The following DLC1 variants were observed in gnomAD, a reference collection of about 807,000 sequenced individuals.
DLC1 encodes the protein DLC1 Rho GTPase activating protein, also known as rho GTPase-activating protein 7.
Under a neutral mutation model 140.3 loss-of-function variants are expected in DLC1, and 54 were observed. The ratio of observed to expected loss-of-function variants is 0.38; its 90% CI spans 0.31 to 0.48. DLC1 has a LOEUF of 0.48. Among genes scored for constraint, DLC1 ranks in the 20% least tolerant of loss-of-function variants. The probability of loss-of-function intolerance (pLI) is 0.96; values close to 1 mark genes in which losing one functional copy is unlikely to be tolerated. For missense variants in DLC1, 2,536 were observed against 1,907.0 expected, an observed-to-expected ratio of 1.33 and a Z score of -6.14; for synonymous variants, 986 against 728.1, an observed-to-expected ratio of 1.35 and a Z score of -5.70.
At chr8:13,416,886 C>CT (rs556002483) in intron 2 of DLC1, among the ~76,000 whole-genome samples, 40 of 149,750 alleles carry the variant, frequency 2.7e-4, no homozygotes, top group African/African-American at 2.9e-4. Context: ...TGAGAAAAAA[C>CT]TTTTTTTTTT....
chr8:13,137,572 T>G (rs888791488), intron 5 of DLC1, among the ~76,000 whole-genome samples: 1 of 151,434 alleles, frequency 6.6e-6, no homozygotes, highest in African/African-American at 2.4e-5. Context: ...CTTTTGCTCT[T>G]TCTTCAGCTT....
rs1804978439 is a variant in DLC1, at chr8:13,579,356, T to TTTA, written c.-126+25180_-126+25181insTAA. 9.9e-5 allele frequency among the ~76,000 whole-genome samples: 3 copies of TTTA among 30,396 alleles called. 1 individual carries two copies. The highest frequency in any genetic ancestry group is 1.6e-4 in the African/African-American group (1 of 6,286). 19.9% of individuals were successfully genotyped at this position (30,396 alleles called of 152,430 possible). A position where few individuals can be genotyped will look rare whatever the true frequency, so the allele number is the denominator to read the frequency against. On this transcript the variant is annotated intron_variant, in intron 1 of 1. Transcript: ENST00000631382. ...ATATATATATATATATATATATATA[T>TTTA]ATATATTTTTATATAATACATATTT...
At chr8:13,500,697 G>C (rs1264117485) in intron 1 of DLC1, among the ~76,000 whole-genome samples, 1 of 152,136 alleles carries the variant, frequency 6.6e-6, no homozygotes, top group Admixed American at 6.5e-5. Context: ...GTGTGTGAAG[G>C]AGCTAACACC....
intron 5 of DLC1, among the ~76,000 whole-genome samples, chr8:13,215,107 A>C (rs983079773): frequency 1.3e-5 from 2 of 152,214 alleles, no homozygotes; most frequent in South Asian, 4.1e-4. Flanking sequence ...AACAGCCCCA[A>C]ATCCCTGCCC....
chr8:13,174,828 A>T (rs1271349358), intron 5 of DLC1, among the ~76,000 whole-genome samples: 5 of 150,922 alleles, frequency 3.3e-5, no homozygotes, highest in Admixed American at 6.6e-5. Context: ...TCCATTGATA[A>T]TTTTTTTTTG....
intron 2 of DLC1, among the ~76,000 whole-genome samples, chr8:13,467,243 C>T (rs1799979708): frequency 6.6e-6 from 1 of 152,166 alleles, no homozygotes; most frequent in Admixed American, 6.5e-5. Context: ...ACTTAGTAGA[C>T]AATCAGCTTC....
In DLC1 at chr8:13,314,756, G is replaced by T. The variant is rs1036403628; in HGVS notation, c.1315-9454C>A. On this transcript the variant is annotated intron_variant, in intron 4 of 17. Coordinates refer to ENST00000276297, the MANE Select transcript of DLC1 (RefSeq NM_182643.3). ...GAATACAGATTAAAACTACTTAAAT[G>T]ATATACATAAATCTCTTTATGACAA... Among the ~76,000 whole-genome samples, 8 of 152,286 alleles carry T rather than the reference G, an allele frequency of 5.3e-5. No homozygotes were observed. In the East Asian group the frequency reaches 1.2e-3, roughly 22 times the overall value.
At chr8:13,296,441 T>C (rs1383187758) in intron 5 of DLC1, among the ~76,000 whole-genome samples, 1 of 152,176 alleles carries the variant, frequency 6.6e-6, no homozygotes, top group Non-Finnish European at 1.5e-5. Context: ...ATACTGGCAG[T>C]TCACAGCCAC....
At chr8:13,321,410 T>C (rs1833106272) in intron 4 of DLC1, among the ~76,000 whole-genome samples, 1 of 151,762 alleles carries the variant, frequency 6.6e-6, no homozygotes, top group South Asian at 2.1e-4. Context: ...TGGTGGTGCG[T>C]GCCTGTAGTC....
chr8:13,459,622 C>T (rs892344803), intron 2 of DLC1, among the ~76,000 whole-genome samples: 15 of 152,116 alleles, frequency 9.9e-5, no homozygotes, highest in African/African-American at 3.6e-4. Context: ...CCCAGGACCC[C>T]CAGTTCTGCC....
rs113333274 is a variant in DLC1, at chr8:13,185,283, G to GTTTTTT, written c.1349-69632_1349-69627dup. On this transcript the variant is annotated intron_variant, in intron 5 of 17. Transcript: ENST00000276297. ...CAATTTGCCAGTCTGTGTCTTTTCT[G>GTTTTTT]TTTTTTTTGTTTGTTTGTTTGTTTG... Among the ~76,000 whole-genome samples, 636 of 130,508 alleles carry GTTTTTT rather than the reference G, an allele frequency of 4.9e-3. 3 individuals carry two copies. The highest frequency in any genetic ancestry group is 6.0e-3 in the Non-Finnish European group (375 of 62,010). 85.6% of individuals were successfully genotyped at this position (130,508 alleles called of 152,430 possible).
intron 4 of DLC1, among the ~76,000 whole-genome samples, chr8:13,343,948 G>A (rs1376031251): frequency 6.6e-6 from 1 of 151,960 alleles, no homozygotes; most frequent in African/African-American, 2.4e-5. Context: ...CCAGAATCAA[G>A]GCATCAGTGG....
intron 5 of DLC1, among the ~76,000 whole-genome samples, chr8:13,291,034 A>G (rs563197604): frequency 5.8e-4 from 88 of 152,278 alleles, no homozygotes; most frequent in African/African-American, 2.0e-3. Flanking sequence ...CAGCCTCCCA[A>G]TTAGCTGCGA....
intron 5 of DLC1, among the ~76,000 whole-genome samples, chr8:13,255,204 C>CAA (rs1830170132): frequency 6.6e-6 from 1 of 152,096 alleles, no homozygotes; most frequent in South Asian, 2.1e-4. Context: ...CTCCTGACCT[C>CAA]AAGTGATCTG....
intron 5 of DLC1, among the ~76,000 whole-genome samples, chr8:13,179,461 C>T (rs1301543338): frequency 6.6e-6 from 1 of 152,138 alleles, no homozygotes; most frequent in Non-Finnish European, 1.5e-5. Flanking sequence ...AGGCTCACAC[C>T]TGTAATCCCA....
At chr8:13,308,514 T>A (rs191413908) in intron 4 of DLC1, among the ~76,000 whole-genome samples, 6 of 152,304 alleles carry the variant, frequency 3.9e-5, no homozygotes, top group African/African-American at 1.2e-4. Flanking sequence ...ATTTCTGAAA[T>A]TTTCCAGAGA....
intron 4 of DLC1, among the ~76,000 whole-genome samples, chr8:13,354,306 A>C (rs1834819868): frequency 6.6e-6 from 1 of 151,976 alleles, no homozygotes; most frequent in Non-Finnish European, 1.5e-5. Flanking sequence ...AATATACTTT[A>C]TTGTCTGTGA....
chr8:13,441,557 C>T (rs1042346427), intron 2 of DLC1, among the ~76,000 whole-genome samples: 12 of 152,074 alleles, frequency 7.9e-5, no homozygotes, highest in Admixed American at 7.2e-4. Flanking sequence ...CATTCTTATA[C>T]ACCAATAACA....
intron 5 of DLC1, among the ~76,000 whole-genome samples, chr8:13,143,186 A>T (rs1406213748): frequency 6.6e-6 from 1 of 152,218 alleles, no homozygotes; most frequent in Non-Finnish European, 1.5e-5. Context: ...AAAGCTACTG[A>T]TATTAAGAAC....
Sources: allele counts gnomAD v4.1 joint callset (sites outside exome capture counted in the v4.1 genomes callset), GRCh38; gene constraint gnomAD v4.1.1; transcripts MANE v1.5; gene names NCBI Gene and HGNC (gene_info 2026-07-23, HGNC 2026-07-21).